Variants in SMC6 observed in about 807,000 individuals in gnomAD.
SMC6 encodes structural maintenance of chromosomes 6.
Under a neutral mutation model 142.2 loss-of-function variants are expected in SMC6, and 79 were observed. The observed-to-expected ratio is 0.56, with a 90% confidence interval of 0.46 to 0.67. The LOEUF is 0.67. Ranked by LOEUF, SMC6 falls within the 30% of genes least tolerant of loss-of-function variation. The pLI is 0.00. For synonymous variants in SMC6, 411 were observed against 412.4 expected, an observed-to-expected ratio of 1.00 and a Z score of 0.04; for missense variants, 1,072 against 1,284.0, an observed-to-expected ratio of 0.83 and a Z score of 2.52.
intron 7 of SMC6, among the ~76,000 whole-genome samples, chr2:17,728,777 C>T (rs1669756001): frequency 1.3e-5 from 2 of 150,812 alleles, no homozygotes. Flanking sequence ...GAAACAGGGT[C>T]TCGCTGTGTC....
At chr2:17,737,763 T>C (rs1306912935) in intron 5 of SMC6, among the ~76,000 whole-genome samples, 1 of 152,276 alleles carries the variant, frequency 6.6e-6, no homozygotes, top group East Asian at 1.9e-4. Flanking sequence ...AGTCAAAAAG[T>C]AGAATTCTTA....
intron 24 of SMC6, chr2:17,681,320 C>T (rs1379067576): frequency 6.6e-6 from 1 of 152,202 alleles, no homozygotes; most frequent in Non-Finnish European, 1.5e-5. Context: ...AACAATAAGG[C>T]TGTTTAATTT....
At chr2:17,677,273 A>G (rs1667034184) in intron 25 of SMC6, among the ~76,000 whole-genome samples, 1 of 152,208 alleles carries the variant, frequency 6.6e-6, no homozygotes, top group South Asian at 2.1e-4. Flanking sequence ...CTCACAGTCA[A>G]TAAGGGAGAA....
chr2:17,710,484 C>T (rs923141885), intron 16 of SMC6, among the ~76,000 whole-genome samples: 2 of 152,036 alleles, frequency 1.3e-5, no homozygotes, highest in Admixed American at 6.6e-5. Context: ...TCTGTAAAGC[C>T]ATGCAATCAG....
In SMC6 at chr2:17,664,050, C is replaced by A. The variant is rs760490593; in HGVS notation, c.*1449G>T. The A allele has an allele frequency of 6.6e-6, 1 of 152,204 alleles. No individual in the cohort carries two copies. Among genetic ancestry groups the A allele is most frequent in the East Asian group, 1.9e-4 (1 of 5,206 alleles). The allele number at this position is 152,204 out of a possible 1,614,324, so 9.4% of individuals were successfully genotyped here. ...TCCCATTCTGTATGAAAGAGCACAA[C>A]ATTCAAAACTACAACAAAATTCAGA... On this transcript the variant is annotated 3_prime_UTR_variant, in exon 28 of 28. Transcript: ENST00000448223.
intron 18 of SMC6, among the ~76,000 whole-genome samples, chr2:17,704,484 C>T (rs1432971602): frequency 1.3e-5 from 2 of 152,172 alleles, no homozygotes; most frequent in Admixed American, 6.5e-5. Flanking sequence ...ATCTTTTCCT[C>T]ACTAATCCAA....
rs1303331545 is a variant in SMC6, at chr2:17,716,672, C to T, written c.1346+69G>A. On this transcript the variant is annotated intron_variant, in intron 14 of 27. Transcript: ENST00000448223. ...AAGAAACAACCATATTTGCTCTCTT[C>T]ATACAAGAACAAAACTATATGATGT... 1.2e-5 allele frequency: 17 copies of T among 1,452,652 alleles called. No homozygotes were observed. The East Asian group carries it at 3.9e-4, about 33-fold the overall frequency. 90.0% of individuals were successfully genotyped at this position (1,452,652 alleles called of 1,614,324 possible). A position where few individuals can be genotyped will look rare whatever the true frequency, so the allele number is the denominator to read the frequency against.
intron 23 of SMC6, among the ~76,000 whole-genome samples, chr2:17,694,506 T>TA (rs2124910906): frequency 6.6e-6 from 1 of 152,336 alleles, no homozygotes; most frequent in African/African-American, 2.4e-5. Context: ...TATGTTGACA[T>TA]ACCACTAAAT....
chr2:17,731,833 G>A lies in SMC6; in HGVS notation c.389C>T (p.Ala130Val). Residue 130 changes from alanine to valine, a missense_variant, in exon 6 of 28, where the codon GCC becomes GTC. By Grantham distance (64) the Ala-to-Val change is moderately conservative (BLOSUM62 0). Transcript: ENST00000448223. ...GTTACCATACACACTGGCTTTAAAG[G>A]CATCATCTCCTCTGTTCCTCAATGT... ...SITLRNRGDD[A>V]FKASVYGNSI... is the part of the protein sequence containing the mutation. 1 of 1,613,712 alleles carries A rather than the reference G, an allele frequency of 6.2e-7. No individual in the cohort carries two copies. The highest frequency in any genetic ancestry group is 8.5e-7 in the Non-Finnish European group (1 of 1,179,830).
intron 4 of SMC6, 32 bp from the exon 5 acceptor site, chr2:17,738,358 C>A: frequency 1.3e-6 from 2 of 1,515,984 alleles, no homozygotes; most frequent in Non-Finnish European, 1.8e-6. Context: ...AAATCACATT[C>A]ATTAAAAGAA....
rs572496289 is a variant in SMC6, at chr2:17,702,954, T to C, written c.2142+203A>G. On this transcript the variant is annotated intron_variant, in intron 19 of 27. Transcript: ENST00000448223. Reference sequence around the variant, plus strand: ...ACAGACTAATACATGAATTAATAAATATTCTTAAATTTTGTTTTAATTTTT... The same window carrying C: ...ACAGACTAATACATGAATTAATAAACATTCTTAAATTTTGTTTTAATTTTT... Among the ~76,000 whole-genome samples, 7 of 152,300 alleles carry C rather than the reference T, an allele frequency of 4.6e-5. No individual in the cohort carries two copies. The South Asian group carries it at 1.5e-3, about 32-fold the overall frequency.
intron 26 of SMC6, among the ~76,000 whole-genome samples, chr2:17,669,710 C>A (rs762032926): frequency 2.2e-4 from 34 of 152,152 alleles, no homozygotes; most frequent in Admixed American, 3.3e-4. Context: ...AGAGTAGTGT[C>A]ATCTACATCC....
intron 19 of SMC6, among the ~76,000 whole-genome samples, chr2:17,702,693 T>TC (rs1388695134): frequency 1.1e-4 from 16 of 152,184 alleles, no homozygotes; most frequent in African/African-American, 3.1e-4. Flanking sequence ...GGAGGCAGCT[T>TC]CCCCCCTACT....
At chr2:17,711,248 T>C (rs1400236894) in intron 16 of SMC6, among the ~76,000 whole-genome samples, 1 of 152,148 alleles carries the variant, frequency 6.6e-6, no homozygotes, top group Non-Finnish European at 1.5e-5. Flanking sequence ...ATTTACCTCA[T>C]ACTGGCTTAT....
At chr2:17,681,696 T>C (rs904966885) in intron 24 of SMC6, 1 of 152,180 alleles carries the variant, frequency 6.6e-6, no homozygotes, top group Non-Finnish European at 1.5e-5. Flanking sequence ...CTGTCTTATA[T>C]GGGCAGTCTG....
chr2:17,674,883 T>C (rs1259690628), intron 25 of SMC6, among the ~76,000 whole-genome samples: 1 of 152,144 alleles, frequency 6.6e-6, no homozygotes, highest in East Asian at 1.9e-4. Context: ...CATATTTTAC[T>C]TAGGATCTTC....
intron 25 of SMC6, among the ~76,000 whole-genome samples, chr2:17,674,014 G>A (rs535132374): frequency 6.6e-6 from 1 of 152,156 alleles, no homozygotes; most frequent in Admixed American, 6.5e-5. Flanking sequence ...GTCCTCCTCA[G>A]GTGTCTATTG....
chr2:17,683,768 T>C lies in SMC6; in HGVS notation c.2679-5A>G, dbSNP rs749464188. 1.9e-6 allele frequency: 3 copies of C among 1,604,506 alleles called. No homozygotes were observed. Among genetic ancestry groups the C allele is most frequent in the African/African-American group, 2.7e-5 (2 of 74,288 alleles). On this transcript the variant is annotated splice_polypyrimidine_tract_variant and splice_region_variant and intron_variant, in intron 23 of 27. Transcript: ENST00000448223. ...TCTCTTGCTTCTTGGTACTGCCTAT[T>C]ATATAAACAAAATATTACGTAAAAA...
chr2:17,717,495 C>G (rs1185661022), intron 12 of SMC6, among the ~76,000 whole-genome samples: 8 of 151,872 alleles, frequency 5.3e-5, no homozygotes, highest in African/African-American at 1.9e-4. Flanking sequence ...CATGGTGAAA[C>G]CCCGTCTCTA....
Sources: allele counts gnomAD v4.1 joint callset (sites outside exome capture counted in the v4.1 genomes callset), GRCh38; gene constraint gnomAD v4.1.1; transcripts MANE v1.5; gene names NCBI Gene and HGNC (gene_info 2026-07-23, HGNC 2026-07-21).